The following EYS variants were observed in gnomAD, a reference collection of about 807,000 sequenced individuals.
EYS encodes EGF-like photoreceptor maintenance factor.
In EYS, 250 loss-of-function variants were observed where a neutral mutation model predicts 282.1. The observed-to-expected ratio is 0.89, with a 90% CI of 0.80 to 0.98. The LOEUF (loss-of-function observed/expected upper bound fraction) is 0.98, where lower values mean the gene tolerates loss of function less well. EYS is among the 50% of genes least tolerant of loss of function. EYS has a pLI of 0.00. For synonymous variants in EYS, 1,355 were observed against 1,282.9 expected, an observed-to-expected ratio of 1.06 and a Z score of -1.20; for missense variants, 4,016 against 3,709.0, an observed-to-expected ratio of 1.08 and a Z score of -2.15.
chr6:64,627,978 G>A (rs1301828439), intron 22 of EYS, among the ~76,000 whole-genome samples: 1 of 152,182 alleles, frequency 6.6e-6, no homozygotes, highest in Non-Finnish European at 1.5e-5. Context: ...TACTCAGGAG[G>A]CTGAGGCAGG....
chr6:65,672,357 A>G (rs1257362516), intron 1 of EYS, among the ~76,000 whole-genome samples: 1 of 152,144 alleles, frequency 6.6e-6, no homozygotes, highest in Non-Finnish European at 1.5e-5. Context: ...AGACACCATA[A>G]GAAGGAGGAA....
In EYS at chr6:65,495,572, G is replaced by C; in HGVS notation, c.-162C>G. The C allele has an allele frequency of 1.5e-6, 1 of 661,714 alleles. No individual in the cohort carries two copies. Among genetic ancestry groups the C allele is most frequent in the Non-Finnish European group, 2.6e-6 (1 of 385,160 alleles). 41.0% of individuals were successfully genotyped at this position (661,714 alleles called of 1,614,324 possible). A position where few individuals can be genotyped will look rare whatever the true frequency, so the allele number is the denominator to read the frequency against. On this transcript the variant is annotated 5_prime_UTR_variant, in exon 4 of 43. In the 5' UTR this introduces an upstream ATG that the reference lacks. Coordinates refer to ENST00000503581, the MANE Select transcript of EYS (RefSeq NM_001142800.2). ...AGTAGCTTTGATGACAATGTGCTTT[G>C]ATGGAGAAACAGGAATTCAAATGTT...
At chr6:65,585,291 A>G (rs1268153556) in intron 2 of EYS, among the ~76,000 whole-genome samples, 1 of 151,976 alleles carries the variant, frequency 6.6e-6, no homozygotes, top group East Asian at 1.9e-4. Flanking sequence ...ATTATTGCTA[A>G]TGTATTCATC....
intron 26 of EYS, among the ~76,000 whole-genome samples, chr6:64,456,788 C>T (rs1775571677): frequency 1.3e-5 from 2 of 151,950 alleles, no homozygotes; most frequent in South Asian, 4.1e-4. Context: ...CACTGTGGTA[C>T]ATAAAAGTCT....
intron 2 of EYS, among the ~76,000 whole-genome samples, chr6:65,574,591 A>T (rs530165540): frequency 6.6e-6 from 1 of 152,210 alleles, no homozygotes; most frequent in Non-Finnish European, 1.5e-5. Context: ...GATTGTAAAC[A>T]TATATAACCA....
chr6:64,882,351 G>A (rs1766951541), intron 19 of EYS, among the ~76,000 whole-genome samples: 1 of 151,674 alleles, frequency 6.6e-6, no homozygotes, highest in African/African-American at 2.4e-5. Context: ...ACATTATATG[G>A]AATTCATTAT....
At chr6:65,164,891 G>A (rs950606753) in intron 12 of EYS, among the ~76,000 whole-genome samples, 2 of 151,184 alleles carry the variant, frequency 1.3e-5, no homozygotes, top group African/African-American at 4.8e-5. Context: ...GCTTGTATCT[G>A]TGTTCCCCTT....
intron 41 of EYS, 95 bp downstream of exon 41, chr6:63,762,366 T>C (rs1483786677): frequency 5.3e-6 from 6 of 1,133,550 alleles, no homozygotes; most frequent in Middle Eastern, 2.9e-4. Flanking sequence ...TTTTATTATA[T>C]GTACTTTTTT....
At position 64,567,359 on chromosome 6, in the gene EYS, G is replaced by A. The variant is rs1582902630; in HGVS notation, c.5644+22864C>T. ...TTAATTCTCTATATTGAAAAGAATG[G>A]GTTTCTTGCCATTAATTTATCTATT... On this transcript the variant is annotated intron_variant, in intron 26 of 42. Coordinates refer to ENST00000503581, the MANE Select transcript of EYS (RefSeq NM_001142800.2). Among the ~76,000 whole-genome samples the A allele has an allele frequency of 2.6e-5, 4 of 151,988 alleles. No homozygotes were observed. The South Asian group carries it at 8.3e-4, about 32-fold the overall frequency.
intron 35 of EYS, among the ~76,000 whole-genome samples, chr6:63,868,149 G>A (rs321499): frequency 0.6 from 91,570 of 151,906 alleles, 28,566 homozygotes; most frequent in East Asian, 0.71. Context: ...CATAAAAGAG[G>A]AAAAAATTCA....
intron 26 of EYS, among the ~76,000 whole-genome samples, chr6:64,510,372 G>A (rs755475529): frequency 1.3e-5 from 2 of 151,334 alleles, no homozygotes; most frequent in South Asian, 2.1e-4. Context: ...TAATACTATC[G>A]CACATTGTTT....
chr6:64,920,027 G>C (rs982759905), intron 15 of EYS, among the ~76,000 whole-genome samples: 4 of 151,884 alleles, frequency 2.6e-5, no homozygotes, highest in African/African-American at 7.3e-5. Context: ...GAACAGCAAA[G>C]CCAAACATAT....
intron 26 of EYS, among the ~76,000 whole-genome samples, chr6:64,505,378 G>A (rs183334905): frequency 6.6e-6 from 1 of 152,240 alleles, no homozygotes; most frequent in East Asian, 1.9e-4. Flanking sequence ...TTGGAAATAT[G>A]TTGAGTGTAA....
At chr6:63,740,217 G>A (rs1307151006) in intron 41 of EYS, among the ~76,000 whole-genome samples, 1 of 152,176 alleles carries the variant, frequency 6.6e-6, no homozygotes, top group Non-Finnish European at 1.5e-5. Flanking sequence ...GAGGAACCCA[G>A]TGGGAGGTGA....
intron 2 of EYS, among the ~76,000 whole-genome samples, chr6:65,545,488 A>G (rs143398963): frequency 6.6e-6 from 1 of 152,280 alleles, no homozygotes; most frequent in East Asian, 1.9e-4. Flanking sequence ...TCTCATGTCA[A>G]TATAAATAAT....
At chr6:64,560,579 T>C (rs1178528312) in intron 26 of EYS, among the ~76,000 whole-genome samples, 1 of 152,210 alleles carries the variant, frequency 6.6e-6, no homozygotes, top group East Asian at 1.9e-4. Context: ...TTATGCCTAA[T>C]TCATCAGACT....
chr6:64,262,278 G>A (rs1395014073), intron 30 of EYS, among the ~76,000 whole-genome samples: 1 of 150,974 alleles, frequency 6.6e-6, no homozygotes, highest in East Asian at 1.9e-4. Context: ...TGCTAGTTTT[G>A]GTAAACATTA....
intron 12 of EYS, among the ~76,000 whole-genome samples, chr6:65,233,769 A>G (rs933372732): frequency 6.6e-6 from 1 of 152,174 alleles, no homozygotes; most frequent in Non-Finnish European, 1.5e-5. Flanking sequence ...TCCATGTCAG[A>G]ATAATTAACT....
intron 1 of EYS, among the ~76,000 whole-genome samples, chr6:65,656,691 A>G (rs1582570062): frequency 6.6e-6 from 1 of 152,066 alleles, no homozygotes; most frequent in East Asian, 1.9e-4. Flanking sequence ...AGTCATTCCT[A>G]TAATATAAAA....
Sources: gnomAD v4.1 joint callset for allele counts (sites outside exome capture counted in the v4.1 genomes callset) on GRCh38, gnomAD v4.1.1 for gene constraint, MANE v1.5 for transcripts, NCBI Gene and HGNC (gene_info 2026-07-23, HGNC 2026-07-21) for gene names.